Variants in PRKD1 observed in about 807,000 individuals in gnomAD.
PRKD1 encodes the protein protein kinase D1, also known as serine/threonine-protein kinase D1.
PRKD1 carries 63 observed loss-of-function variants against 95.9 expected under a neutral mutation model. That is an observed-to-expected ratio of 0.66 (90% CI 0.54 to 0.81). The LOEUF (loss-of-function observed/expected upper bound fraction) is 0.81, where lower values mean the gene tolerates loss of function less well. Among genes scored for constraint, PRKD1 ranks in the 30% least tolerant of loss-of-function variants. The probability of loss-of-function intolerance (pLI) is 0.00; values close to 1 mark genes in which losing one functional copy is unlikely to be tolerated. For missense variants in PRKD1, 1,048 were observed against 1,165.3 expected (o/e 0.90, Z 1.47); for synonymous variants, 425 against 423.1 (o/e 1.00, Z -0.05).
At chr14:29,578,543 T>TA (rs992449669) in intron 16 of PRKD1, among the ~76,000 whole-genome samples, 183 bp from the exon 17 acceptor site, 902 of 42,678 alleles carry the variant, frequency 0.021, 54 homozygotes, top group East Asian at 0.056. Flanking sequence ...TTTTGGATAC[T>TA]AAAAAAAAAA....
chr14:29,678,266 G>C (rs970403648), intron 2 of PRKD1, among the ~76,000 whole-genome samples: 1 of 152,110 alleles, frequency 6.6e-6, no homozygotes, highest in Non-Finnish European at 1.5e-5. Flanking sequence ...CTACTAACTT[G>C]AGGAGTTAGT....
At chr14:29,708,934 T>G (rs1885212715) in intron 2 of PRKD1, among the ~76,000 whole-genome samples, 1 of 152,102 alleles carries the variant, frequency 6.6e-6, no homozygotes, top group African/African-American at 2.4e-5. Context: ...ATAGCAAAAT[T>G]TTTTATATTT....
chr14:29,917,486 C>CA (rs963428075), intron 1 of PRKD1, among the ~76,000 whole-genome samples: 6 of 151,470 alleles, frequency 4.0e-5, no homozygotes, highest in African/African-American at 7.3e-5. Flanking sequence ...AAACCATTTA[C>CA]AAAAAAAACA....
intron 1 of PRKD1, among the ~76,000 whole-genome samples, chr14:29,925,386 G>C (rs930253727): frequency 1.3e-5 from 2 of 152,150 alleles, no homozygotes; most frequent in Admixed American, 6.5e-5. Context: ...GATTACTGAG[G>C]CTTCTAGCAA....
At chr14:29,857,239 G>T (rs757685813) in intron 1 of PRKD1, among the ~76,000 whole-genome samples, 1 of 152,148 alleles carries the variant, frequency 6.6e-6, no homozygotes, top group Non-Finnish European at 1.5e-5. Flanking sequence ...TCAACATGCT[G>T]ACAGGCCAGA....
At chr14:29,847,001 T>C (rs956340562) in intron 1 of PRKD1, among the ~76,000 whole-genome samples, 2 of 152,188 alleles carry the variant, frequency 1.3e-5, no homozygotes, top group Non-Finnish European at 1.5e-5. Context: ...GCAGGGTCGA[T>C]AGCCAAATCC....
intron 1 of PRKD1, among the ~76,000 whole-genome samples, chr14:29,756,247 G>A (rs1887691615): frequency 6.6e-6 from 1 of 152,090 alleles, no homozygotes; most frequent in Non-Finnish European, 1.5e-5. Flanking sequence ...ACAAACTGTT[G>A]TACCAAGCTA....
At chr14:29,807,218 T>A (rs1393654140) in intron 1 of PRKD1, among the ~76,000 whole-genome samples, 1 of 152,094 alleles carries the variant, frequency 6.6e-6, no homozygotes, top group Non-Finnish European at 1.5e-5. Context: ...TAATGCTCAC[T>A]GGCTCACTGC....
At position 29,827,402 on chromosome 14, in the gene PRKD1, T is replaced by C. The variant is rs75685674; in HGVS notation, c.264+99847A>G. On this transcript the variant is annotated intron_variant, in intron 1 of 17. Transcript: ENST00000331968. ...TTATGGTTAGATGGCACAAAGACAA[T>C]TGGATGCATACTCTGGACTCTGAGT... is the stretch of plus-strand genomic sequence containing the variant. Among the ~76,000 whole-genome samples the C allele has an allele frequency of 8.5e-5, 13 of 152,066 alleles. No homozygotes were observed. The East Asian group carries it at 2.3e-3, about 27-fold the overall frequency.
chr14:29,817,372 T>G (rs999707453), intron 1 of PRKD1, among the ~76,000 whole-genome samples: 4 of 152,202 alleles, frequency 2.6e-5, no homozygotes, highest in African/African-American at 9.7e-5. Context: ...ATTTCTTCAG[T>G]GAAAGGTCCC....
chr14:29,919,984 G>A (rs1342244190), intron 1 of PRKD1, among the ~76,000 whole-genome samples: 2 of 148,528 alleles, frequency 1.3e-5, no homozygotes, highest in Non-Finnish European at 3.0e-5. Context: ...GAGAGAGAGA[G>A]AAAGAGAGGA....
At chr14:29,807,786 T>A (rs969420045) in intron 1 of PRKD1, among the ~76,000 whole-genome samples, 1 of 151,810 alleles carries the variant, frequency 6.6e-6, no homozygotes, top group African/African-American at 2.4e-5. Context: ...TGTGGCATGA[T>A]CTTCGGCTCA....
intron 1 of PRKD1, among the ~76,000 whole-genome samples, chr14:29,919,885 G>A (rs980008248): frequency 2.0e-5 from 3 of 152,056 alleles, no homozygotes; most frequent in African/African-American, 7.2e-5. Flanking sequence ...AGAATCACCT[G>A]AGCTTGGGAA....
chr14:29,590,837 C>T (rs112501597), intron 16 of PRKD1, among the ~76,000 whole-genome samples: 5,472 of 152,230 alleles, frequency 0.036, 126 homozygotes, highest in Non-Finnish European at 0.059. Flanking sequence ...GTCGCCCAGG[C>T]TGGAGTGCAG....
chr14:29,818,462 T>C (rs977588108), intron 1 of PRKD1, among the ~76,000 whole-genome samples: 4 of 152,190 alleles, frequency 2.6e-5, no homozygotes, highest in African/African-American at 7.2e-5. Flanking sequence ...AATTTTTAAG[T>C]ACCTGTAGTC....
At chr14:29,731,005 T>C (rs2139408742) in intron 1 of PRKD1, among the ~76,000 whole-genome samples, 1 of 152,190 alleles carries the variant, frequency 6.6e-6, no homozygotes, top group East Asian at 1.9e-4. Flanking sequence ...AAAATTTAAG[T>C]GTACTTACCA....
chr14:29,687,462 T>C (rs1883947982), intron 2 of PRKD1, among the ~76,000 whole-genome samples: 1 of 152,212 alleles, frequency 6.6e-6, no homozygotes, highest in South Asian at 2.1e-4. Flanking sequence ...CAAAAAGTTT[T>C]GTTAACTTCT....
rs533920587 is a variant in PRKD1, at chr14:29,815,894, G to A, written c.265-90220C>T. On this transcript the variant is annotated intron_variant, in intron 1 of 17. Transcript: ENST00000331968. ...GACATTCTTGCTACCTTCAATATAG[G>A]TATAAGCAAAGGGAGCATTTTGATA... Among the ~76,000 whole-genome samples the A allele has an allele frequency of 3.9e-4, 59 of 152,136 alleles. 2 individuals are homozygous for A. The South Asian group carries it at 0.012, about 31-fold the overall frequency.
At chr14:29,714,911 G>A (rs544165870) in intron 2 of PRKD1, among the ~76,000 whole-genome samples, 1 of 152,008 alleles carries the variant, frequency 6.6e-6, no homozygotes. Flanking sequence ...TGAACAGTGA[G>A]AACACATGCA....
Sources: gnomAD v4.1 joint callset for allele counts (sites outside exome capture counted in the v4.1 genomes callset) on GRCh38, gnomAD v4.1.1 for gene constraint, MANE v1.5 for transcripts, NCBI Gene and HGNC (gene_info 2026-07-23, HGNC 2026-07-21) for gene names.